Variants in PPP2R2B observed in about 807,000 individuals in gnomAD.
PPP2R2B encodes serine/threonine-protein phosphatase 2A 55 kDa regulatory subunit B beta isoform.
PPP2R2B carries 5 observed loss-of-function variants against 46.0 expected under a neutral mutation model. That is an observed-to-expected ratio of 0.11 (90% confidence interval 0.06 to 0.23). The LOEUF (loss-of-function observed/expected upper bound fraction) is 0.23. PPP2R2B is among the 10% of genes least tolerant of loss of function. PPP2R2B has a pLI of 1.00. For synonymous variants in PPP2R2B, 215 were observed against 206.7 expected (o/e 1.04, Z -0.34); for missense variants, 367 against 575.0 (o/e 0.64, Z 3.70).
At chr5:146,690,875 T>C (rs1465299106) in intron 5 of PPP2R2B, among the ~76,000 whole-genome samples, 1 of 152,222 alleles carries the variant, frequency 6.6e-6, no homozygotes, top group Non-Finnish European at 1.5e-5. Context: ...AAGATTATAG[T>C]AACGTCTGGC....
chr5:146,842,883 TTTCTG>T (rs1407465489), intron 2 of PPP2R2B, among the ~76,000 whole-genome samples: 4 of 152,242 alleles, frequency 2.6e-5, no homozygotes, highest in African/African-American at 9.6e-5. Context: ...TGCAGTTTTT[TTTCTG>T]TTCTAATACT....
At chr5:147,008,243 T>C (rs1015377142) in intron 1 of PPP2R2B, among the ~76,000 whole-genome samples, 3 of 152,100 alleles carry the variant, frequency 2.0e-5, no homozygotes, top group Non-Finnish European at 4.4e-5. Flanking sequence ...AAATTAGTGC[T>C]CCCAACTTAT....
At chr5:146,847,327 C>T (rs888245740) in intron 2 of PPP2R2B, among the ~76,000 whole-genome samples, 1 of 152,164 alleles carries the variant, frequency 6.6e-6, no homozygotes, top group African/African-American at 2.4e-5. Context: ...TTGCCTACTT[C>T]CTCCTCCTCT....
intron 1 of PPP2R2B, among the ~76,000 whole-genome samples, chr5:146,946,812 C>T (rs1311917554): frequency 7.2e-5 from 11 of 152,004 alleles, no homozygotes; most frequent in Non-Finnish European, 1.6e-4. Flanking sequence ...TCCATCTAAA[C>T]AATTCCCATC....
chr5:146,987,398 T>C (rs1753481093), intron 1 of PPP2R2B, among the ~76,000 whole-genome samples: 1 of 152,000 alleles, frequency 6.6e-6, no homozygotes, highest in Non-Finnish European at 1.5e-5. Context: ...AAGATAAAAC[T>C]ACTAAAAATA....
intron 1 of PPP2R2B, among the ~76,000 whole-genome samples, chr5:147,046,928 G>A (rs1756571586): frequency 6.6e-6 from 1 of 152,072 alleles, no homozygotes; most frequent in Non-Finnish European, 1.5e-5. Flanking sequence ...CCCAGCTTCT[G>A]ATTTAATATG....
At chr5:146,738,098 A>C (rs1752648219) in intron 2 of PPP2R2B, among the ~76,000 whole-genome samples, 1 of 151,990 alleles carries the variant, frequency 6.6e-6, no homozygotes, top group Non-Finnish European at 1.5e-5. Flanking sequence ...TAGGTGATAT[A>C]AAAAATCTTA....
intron 1 of PPP2R2B, among the ~76,000 whole-genome samples, chr5:146,893,999 T>C (rs982220340): frequency 7.2e-5 from 11 of 151,996 alleles, no homozygotes; most frequent in Non-Finnish European, 1.6e-4. Context: ...TTAGCCAAGA[T>C]TGCGCTGCTA....
intron 2 of PPP2R2B, chr5:146,706,406 G>A (rs1228608078): frequency 2.5e-6 from 2 of 816,136 alleles, no homozygotes; most frequent in Non-Finnish European, 4.0e-6. Context: ...ATAGCCGCTG[G>A]TGGTCTTCGT....
chr5:146,713,707 G>C (rs1780330565), intron 2 of PPP2R2B, among the ~76,000 whole-genome samples: 1 of 152,146 alleles, frequency 6.6e-6, no homozygotes. Flanking sequence ...TTTGCTGATG[G>C]ATTGATTATA....
chr5:146,773,584 A>T (rs1755001195), intron 2 of PPP2R2B, among the ~76,000 whole-genome samples: 1 of 152,210 alleles, frequency 6.6e-6, no homozygotes, highest in East Asian at 1.9e-4. Context: ...TGTCTGACAG[A>T]TTATAGGGTG....
At chr5:146,829,836 T>C (rs1758816643) in intron 2 of PPP2R2B, among the ~76,000 whole-genome samples, 1 of 152,194 alleles carries the variant, frequency 6.6e-6, no homozygotes, top group African/African-American at 2.4e-5. Context: ...AAAATTTTGA[T>C]AATCTATTTT....
intron 5 of PPP2R2B, among the ~76,000 whole-genome samples, chr5:146,690,291 A>G (rs984211339): frequency 6.6e-6 from 1 of 152,200 alleles, no homozygotes; most frequent in African/African-American, 2.4e-5. Flanking sequence ...CCTTACATCT[A>G]GAGACCCTTC....
At chr5:146,847,550 TC>T (rs949259372) in intron 2 of PPP2R2B, among the ~76,000 whole-genome samples, 25 of 152,272 alleles carry the variant, frequency 1.6e-4, no homozygotes, top group African/African-American at 5.5e-4. Flanking sequence ...TCTCCTGGCC[TC>T]CAGGAACCCA....
intron 7 of PPP2R2B, among the ~76,000 whole-genome samples, chr5:146,620,848 GCC>G (rs997114878): frequency 6.6e-6 from 1 of 152,204 alleles, no homozygotes; most frequent in African/African-American, 2.4e-5. Flanking sequence ...GGGAGCCTCT[GCC>G]CAGGTGGAAG....
intron 7 of PPP2R2B, among the ~76,000 whole-genome samples, chr5:146,608,842 C>T (rs1418659432): frequency 1.3e-5 from 2 of 152,066 alleles, no homozygotes; most frequent in East Asian, 1.9e-4. Context: ...TCACCAAGCC[C>T]ATATCGAACA....
intron 1 of PPP2R2B, among the ~76,000 whole-genome samples, chr5:146,900,788 G>A (rs1468038145): frequency 4.1e-5 from 6 of 144,768 alleles, no homozygotes; most frequent in Admixed American, 1.4e-4. Context: ...CCCTCTCCCC[G>A]TGCCCCATCC....
intron 8 of PPP2R2B, among the ~76,000 whole-genome samples, chr5:146,595,897 C>G (rs1771122481): frequency 6.6e-6 from 1 of 152,188 alleles, no homozygotes; most frequent in Non-Finnish European, 1.5e-5. Context: ...TGTCCCAGTA[C>G]AGTGTTTCTC....
At chr5:146,831,926 G>A (rs1336948412) in intron 2 of PPP2R2B, among the ~76,000 whole-genome samples, 2 of 152,212 alleles carry the variant, frequency 1.3e-5, no homozygotes, top group Non-Finnish European at 2.9e-5. Context: ...ACATGTGGAG[G>A]TGGAAGACAG....
Sources: allele counts gnomAD v4.1 joint callset (sites outside exome capture counted in the v4.1 genomes callset), GRCh38; gene constraint gnomAD v4.1.1; transcripts MANE v1.5; gene names NCBI Gene and HGNC (gene_info 2026-07-23, HGNC 2026-07-21).